DCC: variants seen among roughly 807,000 people sequenced by gnomAD.
The protein encoded by DCC is DCC netrin 1 receptor, also known as netrin receptor DCC.
A neutral mutation model predicts 172.5 loss-of-function variants in DCC; 58 were observed. That is an observed-to-expected ratio of 0.34 (90% confidence interval 0.27 to 0.42). DCC has a LOEUF of 0.42. Among genes scored for constraint, DCC ranks in the 10% least tolerant of loss-of-function variants. DCC has a pLI of 1.00. For missense variants in DCC, 1,740 were observed against 1,791.0 expected (o/e 0.97, Z 0.51); for synonymous variants, 709 against 644.5 (o/e 1.10, Z -1.52).
At chr18:52,728,173 G>GTCTC (rs5824956) in intron 1 of DCC, among the ~76,000 whole-genome samples, 9,440 of 149,104 alleles carry the variant, frequency 0.063, 327 homozygotes, top group East Asian at 0.2. Flanking sequence ...TGTGGGCCCC[G>GTCTC]TCTCTCTCTC....
At chr18:52,852,112 C>G (rs1032256570) in intron 2 of DCC, among the ~76,000 whole-genome samples, 4 of 151,962 alleles carry the variant, frequency 2.6e-5, no homozygotes, top group Non-Finnish European at 4.4e-5. Context: ...ATCTAAAAGG[C>G]TGAATTATAA....
chr18:53,216,534 C>T (rs1486927935), intron 12 of DCC, among the ~76,000 whole-genome samples: 2 of 152,182 alleles, frequency 1.3e-5, no homozygotes, highest in Non-Finnish European at 2.9e-5. Context: ...GAATTACTAT[C>T]TTCCTTATTG....
chr18:52,653,428 G>A (rs556108846), intron 1 of DCC, among the ~76,000 whole-genome samples: 144 of 152,208 alleles, frequency 9.5e-4, no homozygotes, highest in African/African-American at 3.4e-3. Context: ...ATTCTATGTG[G>A]CAAGAAATAA....
chr18:52,812,871 C>A (rs2038227342), intron 2 of DCC, among the ~76,000 whole-genome samples: 1 of 152,154 alleles, frequency 6.6e-6, no homozygotes, highest in Admixed American at 6.5e-5. Context: ...AGGCTGGGAA[C>A]TTACGCCTCT....
chr18:53,082,238 A>G (rs1484078063), intron 7 of DCC, among the ~76,000 whole-genome samples: 1 of 152,150 alleles, frequency 6.6e-6, no homozygotes, highest in African/African-American at 2.4e-5. Flanking sequence ...TATAATAAAT[A>G]AATCCACATT....
intron 1 of DCC, among the ~76,000 whole-genome samples, chr18:52,669,926 T>C (rs1005239474): frequency 6.6e-6 from 1 of 151,160 alleles, no homozygotes; most frequent in Non-Finnish European, 1.5e-5. Flanking sequence ...TTTTTAGGTC[T>C]GGTGGTCACA....
At chr18:53,035,884 CTTG>C (rs543780580) in intron 5 of DCC, among the ~76,000 whole-genome samples, 117 of 152,036 alleles carry the variant, frequency 7.7e-4, no homozygotes, top group African/African-American at 2.3e-3. Context: ...TATTTGCATA[CTTG>C]TTGTCATATT....
chr18:52,855,835 G>A (rs1365677748), intron 2 of DCC, among the ~76,000 whole-genome samples: 1 of 139,090 alleles, frequency 7.2e-6, no homozygotes, highest in East Asian at 2.1e-4. Context: ...GTGCGATTTC[G>A]GCTCACTGCA....
At chr18:53,397,470 G>C in intron 18 of DCC, 24 bp downstream of exon 18, 3 of 1,613,498 alleles carry the variant, frequency 1.9e-6, no homozygotes, top group Non-Finnish European at 2.5e-6. Flanking sequence ...TGTCTACTTT[G>C]GACCCTTGAT....
chr18:53,393,653 T>C (rs750577025), intron 17 of DCC, among the ~76,000 whole-genome samples: 18 of 152,246 alleles, frequency 1.2e-4, no homozygotes, highest in Non-Finnish European at 2.4e-4. Flanking sequence ...TTTCACAGAA[T>C]GGCCATGGCG....
At chr18:52,351,886 T>G (rs1464570458) in intron 1 of DCC, among the ~76,000 whole-genome samples, 2 of 152,224 alleles carry the variant, frequency 1.3e-5, no homozygotes, top group East Asian at 3.8e-4. Context: ...AACCTTTCCA[T>G]GTCACCGGAC....
intron 1 of DCC, among the ~76,000 whole-genome samples, chr18:52,537,821 G>A (rs2032331123): frequency 6.6e-6 from 1 of 151,990 alleles, no homozygotes; most frequent in African/African-American, 2.4e-5. Flanking sequence ...AGCCAATGAT[G>A]TCCCCATGTT....
intron 7 of DCC, among the ~76,000 whole-genome samples, chr18:53,144,458 T>C (rs149665467): frequency 2.0e-5 from 3 of 152,234 alleles, no homozygotes; most frequent in African/African-American, 7.2e-5. Flanking sequence ...ACATCTTACA[T>C]GGCGGCAGGC....
chr18:52,644,928 CA>C (rs2034990141), intron 1 of DCC, among the ~76,000 whole-genome samples: 1 of 151,202 alleles, frequency 6.6e-6, no homozygotes, highest in Non-Finnish European at 1.5e-5. Flanking sequence ...TATTCATTAG[CA>C]TTGACCCCAT....
chr18:52,671,295 C>CT (rs57592819), intron 1 of DCC, among the ~76,000 whole-genome samples: 4,567 of 152,176 alleles, frequency 0.03, 210 homozygotes, highest in African/African-American at 0.1. Context: ...TGTCACATGA[C>CT]TGAGTGTGTG....
chr18:52,893,775 G>A (rs1236097519), intron 2 of DCC, among the ~76,000 whole-genome samples: 2 of 151,894 alleles, frequency 1.3e-5, no homozygotes, highest in East Asian at 3.9e-4. Flanking sequence ...ATTAATTTGG[G>A]TATTAGTCAA....
intron 1 of DCC, among the ~76,000 whole-genome samples, chr18:52,687,793 TGTATAG>T (rs145075982): frequency 6.6e-6 from 1 of 151,990 alleles, no homozygotes; most frequent in African/African-American, 2.4e-5. Context: ...AAACCAAGAG[TGTATAG>T]GTATTGTGGA....
intron 16 of DCC, 139 bp from the exon 17 acceptor site, chr18:53,391,516 T>G: frequency 1.5e-6 from 1 of 669,402 alleles, no homozygotes; most frequent in Non-Finnish European, 2.7e-6. Context: ...TACATTTTTT[T>G]CTGTTCTTCT....
intron 9 of DCC, among the ~76,000 whole-genome samples, chr18:53,191,816 G>C (rs570179617): frequency 6.6e-6 from 1 of 150,586 alleles, no homozygotes; most frequent in Admixed American, 6.6e-5. Context: ...TTTTTTTCCT[G>C]TTGATCTGGC....
Sources: allele counts gnomAD v4.1 joint callset (sites outside exome capture counted in the v4.1 genomes callset), GRCh38; gene constraint gnomAD v4.1.1; transcripts MANE v1.5; gene names NCBI Gene and HGNC (gene_info 2026-07-23, HGNC 2026-07-21).